Variants in JAM3 observed in about 807,000 individuals in gnomAD.
JAM3 encodes junctional adhesion molecule 3.
In JAM3, 31 loss-of-function variants were observed where a neutral mutation model predicts 39.4. The observed-to-expected ratio is 0.79, with a 90% CI of 0.59 to 1.06. The LOEUF is 1.06. JAM3 is among the 50% of genes least tolerant of loss of function. The pLI is 0.00. For missense variants in JAM3, 455 were observed against 391.4 expected, an observed-to-expected ratio of 1.16 and a Z score of -1.37; for synonymous variants, 182 against 148.7, an observed-to-expected ratio of 1.22 and a Z score of -1.63.
intron 1 of JAM3, among the ~76,000 whole-genome samples, chr11:134,127,548 A>G (rs187707786): frequency 1.1e-3 from 173 of 152,140 alleles, no homozygotes; most frequent in African/African-American, 4.1e-3. Context: ...AAAATACAAA[A>G]AATTAGCCGG....
intron 1 of JAM3, among the ~76,000 whole-genome samples, chr11:134,118,691 T>C (rs530753430): frequency 1.3e-5 from 2 of 152,298 alleles, no homozygotes; most frequent in South Asian, 4.1e-4. Flanking sequence ...TTTTACTTGG[T>C]GGTTTGATGG....
intron 1 of JAM3, among the ~76,000 whole-genome samples, chr11:134,106,533 A>G (rs1453664903): frequency 6.6e-6 from 1 of 152,254 alleles, no homozygotes; most frequent in Non-Finnish European, 1.5e-5. Context: ...AGCAAAAGAA[A>G]CTACCATCAG....
intron 1 of JAM3, among the ~76,000 whole-genome samples, chr11:134,119,471 G>A (rs762161667): frequency 6.6e-6 from 1 of 152,148 alleles, no homozygotes; most frequent in Non-Finnish European, 1.5e-5. Context: ...TAGTGTTTAG[G>A]ATTCTCCAGA....
At chr11:134,102,941 G>A (rs930655673) in intron 1 of JAM3, among the ~76,000 whole-genome samples, 1 of 152,216 alleles carries the variant, frequency 6.6e-6, no homozygotes, top group Non-Finnish European at 1.5e-5. Flanking sequence ...ACACTCTGCA[G>A]GATATTATCC....
Position 134,151,136 on chromosome 11 carries a change from C to G in JAM3, c.*1955C>G, listed in dbSNP as rs985140721. 1 of 152,308 alleles carries G rather than the reference C, an allele frequency of 6.6e-6. No individual in the cohort carries two copies. The highest frequency in any genetic ancestry group is 1.5e-5 in the Non-Finnish European group (1 of 68,082). 9.4% of individuals were successfully genotyped at this position (152,308 alleles called of 1,614,324 possible). A position where few individuals can be genotyped will look rare whatever the true frequency, so the allele number is the denominator to read the frequency against. Reference sequence around the variant, plus strand: ...CTGTGTGCCTGGAGAATGGCTCTCACTACTCACCTTGTCTTTCAGCTTCCA... The same window carrying G: ...CTGTGTGCCTGGAGAATGGCTCTCAGTACTCACCTTGTCTTTCAGCTTCCA... On this transcript the variant is annotated 3_prime_UTR_variant, in exon 9 of 9. Coordinates refer to ENST00000299106, the MANE Select transcript of JAM3 (RefSeq NM_032801.5).
intron 1 of JAM3, 98 bp downstream of exon 1, chr11:134,069,257 G>C: frequency 6.7e-7 from 1 of 1,492,426 alleles, no homozygotes. Flanking sequence ...CGAGGATAGC[G>C]GTCCTGGCTC....
At chr11:134,076,207 T>C (rs2120573417) in intron 1 of JAM3, among the ~76,000 whole-genome samples, 1 of 144,612 alleles carries the variant, frequency 6.9e-6, no homozygotes, top group African/African-American at 2.6e-5. Flanking sequence ...CAGGCTGGAG[T>C]ACAATGGTGC....
At position 134,145,844 on chromosome 11, in the gene JAM3, C is replaced by T. The variant is rs144710274; in HGVS notation, c.613-102C>T. On this transcript the variant is annotated intron_variant, in intron 5 of 8. Transcript: ENST00000299106. ...TGCACAGTGCTGGGGAAGCTGAAAG[C>T]AAGCGAGCAGGTGTCGACCTAGTTC... 883 of 799,142 alleles carry T rather than the reference C, an allele frequency of 1.1e-3. 11 individuals are homozygous for T. The African/African-American group carries it at 0.013, about 12-fold the overall frequency. The allele number at this position is 799,142 out of a possible 1,614,324, so 49.5% of individuals were successfully genotyped here.
Position 134,149,302 on chromosome 11 carries a change from T to C in JAM3, c.*121T>C. 1 of 1,240,114 alleles carries C rather than the reference T, an allele frequency of 8.1e-7. No homozygotes were observed. The allele number at this position is 1,240,114 out of a possible 1,614,324, so 76.8% of individuals were successfully genotyped here. A position where few individuals can be genotyped will look rare whatever the true frequency, so the allele number is the denominator to read the frequency against. On this transcript the variant is annotated 3_prime_UTR_variant, in exon 9 of 9. Coordinates refer to ENST00000299106, the MANE Select transcript of JAM3 (RefSeq NM_032801.5). ...AGCTAGACACTCATTCAGAAGCTTT[T>C]CGTTTTGGCCAAAGTTGACCACTAC...
At chr11:134,148,127 C>T (rs944929072) in intron 6 of JAM3, 15 of 233,782 alleles carry the variant, frequency 6.4e-5, no homozygotes, top group African/African-American at 2.7e-4. Flanking sequence ...TTGAAGCTAC[C>T]TTTCTTCCCC....
intron 1 of JAM3, among the ~76,000 whole-genome samples, chr11:134,110,966 C>T (rs1009369861): frequency 6.6e-6 from 1 of 151,888 alleles, no homozygotes; most frequent in African/African-American, 2.4e-5. Flanking sequence ...AAATCCCTGA[C>T]TCCCAAAACT....
intron 1 of JAM3, among the ~76,000 whole-genome samples, chr11:134,105,584 A>G (rs1002865195): frequency 3.3e-5 from 5 of 152,300 alleles, no homozygotes; most frequent in African/African-American, 9.6e-5. Flanking sequence ...AGATGACATG[A>G]TTGTATATTT....
chr11:134,135,578 C>T (rs1051068827), intron 1 of JAM3, among the ~76,000 whole-genome samples: 3 of 150,642 alleles, frequency 2.0e-5, no homozygotes, highest in African/African-American at 4.9e-5. Flanking sequence ...CACTCTGTCG[C>T]CCAAGCTGGA....
chr11:134,070,973 C>G (rs1009863521), intron 1 of JAM3, among the ~76,000 whole-genome samples: 1 of 152,088 alleles, frequency 6.6e-6, no homozygotes, highest in African/African-American at 2.4e-5. Flanking sequence ...ACTTTGAAGG[C>G]GTGTAGCTAT....
intron 8 of JAM3, among the ~76,000 whole-genome samples, 153 bp from the exon 9 acceptor site, chr11:134,148,993 C>CACACACACA (rs1182983097): frequency 1.3e-5 from 2 of 148,884 alleles, no homozygotes; most frequent in African/African-American, 2.5e-5. Flanking sequence ...CACACACACA[C>CACACACACA]ACTAATGGGA....
intron 6 of JAM3, chr11:134,147,759 T>C (rs1943105418): frequency 6.6e-6 from 1 of 152,304 alleles, no homozygotes. Flanking sequence ...GTGCTGGGAT[T>C]ACAGGCGTGA....
At chr11:134,122,174 G>A (rs1296401261) in intron 1 of JAM3, among the ~76,000 whole-genome samples, 3 of 152,158 alleles carry the variant, frequency 2.0e-5, no homozygotes, top group Admixed American at 6.5e-5. Context: ...AGTTCACATA[G>A]CCGGCCAACA....
rs1489593681 is a variant in JAM3 at position 134,150,410 on chromosome 11, T to G, written c.*1229T>G. The G allele has an allele frequency of 1.3e-5, 2 of 152,274 alleles. No homozygotes were observed. 9.4% of individuals were successfully genotyped at this position (152,274 alleles called of 1,614,324 possible). On this transcript the variant is annotated 3_prime_UTR_variant, in exon 9 of 9. Coordinates refer to ENST00000299106, the MANE Select transcript of JAM3 (RefSeq NM_032801.5). ...CTGGGGTTGCGCCAGGCGCCCCCGC[T>G]CTAGCTCACTGTTGCCTCGCTGTCT...
intron 1 of JAM3, among the ~76,000 whole-genome samples, chr11:134,137,249 A>T (rs1487262745): frequency 6.6e-6 from 1 of 152,232 alleles, no homozygotes; most frequent in Non-Finnish European, 1.5e-5. Flanking sequence ...TTACCTTCCA[A>T]GTTTATTATA....
Sources: allele counts gnomAD v4.1 joint callset (sites outside exome capture counted in the v4.1 genomes callset), GRCh38; gene constraint gnomAD v4.1.1; transcripts MANE v1.5; gene names NCBI Gene and HGNC (gene_info 2026-07-23, HGNC 2026-07-21).